GPHN: variants seen among roughly 807,000 people sequenced by gnomAD.
The protein encoded by GPHN is gephyrin.
Under a neutral mutation model 95.5 loss-of-function variants are expected in GPHN, and 17 were observed. That is an observed-to-expected ratio of 0.18 (90% confidence interval 0.12 to 0.27). The LOEUF (loss-of-function observed/expected upper bound fraction) is 0.27, where lower values mean the gene tolerates loss of function less well. GPHN is among the 10% of genes least tolerant of loss of function. The pLI, the probability that GPHN is intolerant of heterozygous loss-of-function variation, is 1.00. For missense variants in GPHN, 660 were observed against 978.1 expected, an observed-to-expected ratio of 0.67 and a Z score of 4.34; for synonymous variants, 320 against 322.5, an observed-to-expected ratio of 0.99 and a Z score of 0.08.
the GPHN span, among the ~76,000 whole-genome samples, chr14:67,513,447 T>C: frequency 6.6e-6 from 1 of 152,174 alleles, no homozygotes; most frequent in Non-Finnish European, 1.5e-5. Flanking sequence ...TCCTTATTGG[T>C]CCTGGAACCT....
intron 5 of GPHN, among the ~76,000 whole-genome samples, chr14:66,880,515 T>C (rs1396527894): frequency 6.6e-6 from 1 of 152,040 alleles, no homozygotes; most frequent in Non-Finnish European, 1.5e-5. Flanking sequence ...AGTTGATATC[T>C]ATTAATTGTA....
chr14:66,554,749 C>G (rs748785451), intron 1 of GPHN, among the ~76,000 whole-genome samples: 2 of 152,124 alleles, frequency 1.3e-5, no homozygotes, highest in Non-Finnish European at 2.9e-5. Flanking sequence ...ACTTTTAGTA[C>G]TTGTACAAAC....
chr14:67,030,137 T>C (rs1255129179), intron 10 of GPHN, among the ~76,000 whole-genome samples: 1 of 151,916 alleles, frequency 6.6e-6, no homozygotes, highest in African/African-American at 2.4e-5. Context: ...CTCCAATCCA[T>C]ATCTTCTTCC....
intron 3 of GPHN, among the ~76,000 whole-genome samples, chr14:66,783,693 C>T (rs1318124292): frequency 1.3e-5 from 2 of 152,162 alleles, no homozygotes. Flanking sequence ...TATTAGCATG[C>T]GCCCCTACTT....
At chr14:66,707,889 A>G (rs146848615) in intron 2 of GPHN, among the ~76,000 whole-genome samples, 164 of 152,308 alleles carry the variant, frequency 1.1e-3, no homozygotes, top group Non-Finnish European at 1.4e-3. Context: ...GGCAGTTACT[A>G]TATCTAACAG....
the GPHN span, chr14:67,359,881 C>T: frequency 1.5e-6 from 1 of 670,816 alleles, no homozygotes; most frequent in Non-Finnish European, 2.5e-6. Flanking sequence ...TCACAGGCGA[C>T]GAAGGGGGAG....
intron 2 of GPHN, among the ~76,000 whole-genome samples, chr14:66,701,983 C>A (rs2068597460): frequency 1.3e-5 from 2 of 152,196 alleles, no homozygotes. Flanking sequence ...ACAGCTTGGT[C>A]CCAAGACATG....
chr14:67,383,312 C>T, the GPHN span: 1 of 1,612,750 alleles, frequency 6.2e-7, no homozygotes, highest in African/African-American at 1.3e-5. Context: ...TCTGCTTCCA[C>T]AGCCCAAAGT....
At chr14:67,692,489 C>G in the GPHN span, 1 of 1,614,076 alleles carries the variant, frequency 6.2e-7, no homozygotes, top group Non-Finnish European at 8.5e-7. Flanking sequence ...TCAGACAGGT[C>G]CAGTTTCCGC....
chr14:67,345,327 C>A, the GPHN span, among the ~76,000 whole-genome samples: 3 of 151,962 alleles, frequency 2.0e-5, no homozygotes, highest in African/African-American at 7.3e-5. Flanking sequence ...GAGGCCGAGG[C>A]GGGTGGATCA....
rs1595503577 is a variant in GPHN at position 66,676,009 on chromosome 14, T to C, written c.65-5098T>C. 3.3e-5 allele frequency among the ~76,000 whole-genome samples: 5 copies of C among 152,232 alleles called. No homozygotes were observed. In the South Asian group the frequency reaches 1.0e-3, roughly 32 times the overall value. On this transcript the variant is annotated intron_variant, in intron 1 of 22. Transcript: ENST00000478722. ...TGTTTAGAAGTTCAAAGATATTTTA[T>C]CCTTTTATAGATTCAGGAGGGATAT...
intron 9 of GPHN, among the ~76,000 whole-genome samples, chr14:67,008,272 T>A (rs1327080785): frequency 6.6e-6 from 1 of 151,754 alleles, no homozygotes; most frequent in Non-Finnish European, 1.5e-5. Flanking sequence ...ACCAACATGA[T>A]GAAACCCCAT....
the GPHN span, among the ~76,000 whole-genome samples, chr14:67,542,350 C>T: frequency 1.3e-5 from 2 of 152,094 alleles, no homozygotes; most frequent in African/African-American, 4.8e-5. Context: ...AAATCTCTAC[C>T]CTTCCTCTCA....
At chr14:67,321,268 A>C in the GPHN span, 1 of 1,613,596 alleles carries the variant, frequency 6.2e-7, no homozygotes, top group South Asian at 1.1e-5. Context: ...AGGTAAAGCT[A>C]GAACTTTGTT....
rs147599593 is a variant in GPHN at position 67,049,791 on chromosome 14, G to C, written c.1007-8858G>C. On this transcript the variant is annotated intron_variant, in intron 10 of 22. Transcript: ENST00000478722. ...CTCCCAAAGTGCTGGGATTACAGGC[G>C]TGAGCCACCGCGCCCGGCTGAAGTA... Among the ~76,000 whole-genome samples, 61 of 152,282 alleles carry C rather than the reference G, an allele frequency of 4.0e-4. 3 individuals are homozygous for C. In the East Asian group the frequency reaches 9.9e-3, roughly 25 times the overall value.
chr14:67,343,528 A>T, the GPHN span: 4 of 896,370 alleles, frequency 4.5e-6, no homozygotes, highest in Non-Finnish European at 6.9e-6. Flanking sequence ...ACTTGTAGAA[A>T]ACATTTGAGA....
chr14:67,072,362 C>T lies in GPHN; in HGVS notation c.1144+13576C>T, dbSNP rs533913781. Among the ~76,000 whole-genome samples, 3 of 152,164 alleles carry T rather than the reference C, an allele frequency of 2.0e-5. No individual in the cohort carries two copies. In the East Asian group the frequency reaches 5.8e-4, roughly 29 times the overall value. On this transcript the variant is annotated intron_variant, in intron 11 of 22. Coordinates refer to ENST00000478722, the MANE Select transcript of GPHN (RefSeq NM_020806.5). ...AATTAAAAGAGAAAACCTTAGGTGA[C>T]AGTAAAGGATTTGCCAGTACCAGCA...
At chr14:67,537,376 TAATAAA>T in the GPHN span, among the ~76,000 whole-genome samples, 746 of 129,930 alleles carry the variant, frequency 5.7e-3, 4 homozygotes, top group East Asian at 0.011. Flanking sequence ...ATAATAATAA[TAATAAA>T]AACTTAATCT....
the GPHN span, among the ~76,000 whole-genome samples, chr14:67,275,581 CTT>C: frequency 1.3e-5 from 2 of 151,876 alleles, no homozygotes; most frequent in East Asian, 3.8e-4. Flanking sequence ...CTAAAATTCT[CTT>C]TTTTTTGTTG....
Sources: allele counts gnomAD v4.1 joint callset (sites outside exome capture counted in the v4.1 genomes callset), GRCh38; gene constraint gnomAD v4.1.1; transcripts MANE v1.5; gene names NCBI Gene and HGNC (gene_info 2026-07-23, HGNC 2026-07-21).